CPE: variants seen among roughly 807,000 people sequenced by gnomAD.
CPE encodes carbocypeptidase E.
Under a neutral mutation model 53.5 loss-of-function variants are expected in CPE, and 17 were observed. The ratio of observed to expected loss-of-function variants is 0.32; its 90% CI spans 0.22 to 0.48. The LOEUF is 0.48. Among genes scored for constraint, CPE ranks in the 20% least tolerant of loss-of-function variants. CPE has a pLI of 0.99. For synonymous variants in CPE, 226 were observed against 228.8 expected, an observed-to-expected ratio of 0.99 and a Z score of 0.11; for missense variants, 524 against 614.7, an observed-to-expected ratio of 0.85 and a Z score of 1.56.
intron 7 of CPE, among the ~76,000 whole-genome samples, chr4:165,494,033 A>G (rs1732657465): frequency 6.6e-6 from 1 of 152,026 alleles, no homozygotes; most frequent in Non-Finnish European, 1.5e-5. Flanking sequence ...GTCCCAAACC[A>G]CTCTGTACCA....
chr4:165,483,661 C>G (rs959500917), intron 4 of CPE, among the ~76,000 whole-genome samples: 5 of 152,180 alleles, frequency 3.3e-5, no homozygotes, highest in Non-Finnish European at 5.9e-5. Context: ...TTAATCATAG[C>G]CATTCTAAGT....
intron 5 of CPE, among the ~76,000 whole-genome samples, chr4:165,486,248 C>G (rs2126713584): frequency 6.6e-6 from 1 of 152,234 alleles, no homozygotes; most frequent in East Asian, 1.9e-4. Flanking sequence ...ACACCTGCAG[C>G]AGTTTGGGTC....
intron 1 of CPE, among the ~76,000 whole-genome samples, chr4:165,446,737 G>T (rs571654474): frequency 1.3e-5 from 2 of 152,342 alleles, no homozygotes; most frequent in African/African-American, 2.4e-5. Flanking sequence ...CATTACGAAG[G>T]GGGGTGTGAA....
intron 3 of CPE, among the ~76,000 whole-genome samples, chr4:165,473,771 A>AGTT (rs35794064): frequency 0.71 from 107,402 of 151,880 alleles, 38,317 homozygotes; most frequent in East Asian, 0.78. Flanking sequence ...TTTGGAGGAG[A>AGTT]GTTCAGAGAA....
At chr4:165,497,413 C>T in intron 8 of CPE, 99 bp from the exon 9 acceptor site, 1 of 502,682 alleles carries the variant, frequency 2.0e-6, no homozygotes, top group Non-Finnish European at 3.3e-6. Context: ...ATTCAGGTGG[C>T]TGGATTGAGT....
At chr4:165,431,539 G>A (rs972586671) in intron 1 of CPE, among the ~76,000 whole-genome samples, 10 of 152,096 alleles carry the variant, frequency 6.6e-5, no homozygotes, top group African/African-American at 2.4e-4. Context: ...CCTTAAGTAA[G>A]GACACATAGT....
At chr4:165,485,082 A>G (rs1732484214) in intron 5 of CPE, among the ~76,000 whole-genome samples, 2 of 152,134 alleles carry the variant, frequency 1.3e-5, no homozygotes. Flanking sequence ...GTTTATGTTC[A>G]CTATTCTAAT....
intron 1 of CPE, among the ~76,000 whole-genome samples, chr4:165,438,408 T>C (rs1412060129): frequency 1.3e-5 from 2 of 152,108 alleles, no homozygotes; most frequent in Non-Finnish European, 2.9e-5. Context: ...AAAAAAGCCT[T>C]TGAGGAAAGA....
At chr4:165,453,834 C>A (rs969776619) in intron 1 of CPE, among the ~76,000 whole-genome samples, 5 of 152,132 alleles carry the variant, frequency 3.3e-5, no homozygotes, top group Non-Finnish European at 7.3e-5. Context: ...AAGATCCTAA[C>A]TAAAGAAAGA....
At chr4:165,437,880 G>T (rs1220163911) in intron 1 of CPE, among the ~76,000 whole-genome samples, 2 of 152,132 alleles carry the variant, frequency 1.3e-5, no homozygotes, top group Non-Finnish European at 2.9e-5. Context: ...CACATATGGA[G>T]AGGAGACAGA....
At position 165,464,511 on chromosome 4, in the gene CPE, C is replaced by G. The variant is rs1174384720; in HGVS notation, c.429C>G (p.Val143=). The G allele has an allele frequency of 7.4e-6, 12 of 1,613,948 alleles. No homozygotes were observed. The highest frequency in any genetic ancestry group is 1.0e-5 in the Non-Finnish European group (12 of 1,179,920). The change falls in exon 2 of 9, where the codon GTC becomes GTG. Residue 143 remains valine (V), a synonymous_variant. Transcript: ENST00000402744. ...NEYQKGNETI[V]NLIHSTRIHI... is the part of the protein sequence containing the mutation. ...ACCAGAAGGGGAACGAGACAATTGT[C>G]AACCTGATCCACAGTACCCGCATTC...
At chr4:165,469,064 T>C (rs1732155046) in intron 3 of CPE, among the ~76,000 whole-genome samples, 3 of 152,220 alleles carry the variant, frequency 2.0e-5, no homozygotes, top group African/African-American at 7.2e-5. Context: ...ATAAAGTACT[T>C]GAAGCCAGGA....
intron 3 of CPE, among the ~76,000 whole-genome samples, chr4:165,479,663 T>G (rs1369048588): frequency 6.6e-6 from 1 of 152,160 alleles, no homozygotes; most frequent in African/African-American, 2.4e-5. Flanking sequence ...TAGAAAATAT[T>G]TATAGTGTGT....
chr4:165,419,778 T>C (rs1481961840), intron 1 of CPE, among the ~76,000 whole-genome samples: 1 of 152,136 alleles, frequency 6.6e-6, no homozygotes, highest in African/African-American at 2.4e-5. Context: ...CCAGAAGAGA[T>C]TCTGATTCAA....
At chr4:165,397,644 C>T (rs535895328) in intron 1 of CPE, among the ~76,000 whole-genome samples, 2 of 152,170 alleles carry the variant, frequency 1.3e-5, no homozygotes, top group East Asian at 1.9e-4. Flanking sequence ...AACGTATTTC[C>T]AAATATTATT....
chr4:165,405,226 G>T, intron 1 of CPE: 1 of 808,232 alleles, frequency 1.2e-6, no homozygotes, highest in Non-Finnish European at 2.2e-6. Flanking sequence ...TATCCACGGA[G>T]ACTTGGGCAA....
intron 1 of CPE, among the ~76,000 whole-genome samples, chr4:165,442,056 T>G (rs868217833): frequency 3.9e-5 from 5 of 127,260 alleles, no homozygotes; most frequent in Non-Finnish European, 1.6e-5. Context: ...TGTTTTTTTT[T>G]TTTTGAGACA....
chr4:165,380,195 C>T (rs1214525031), intron 1 of CPE, among the ~76,000 whole-genome samples: 1 of 152,074 alleles, frequency 6.6e-6, no homozygotes, highest in Non-Finnish European at 1.5e-5. Context: ...CGTTGGTGCC[C>T]CTCCTCCTAC....
At chr4:165,430,833 A>G (rs551976359) in intron 1 of CPE, among the ~76,000 whole-genome samples, 52 of 152,338 alleles carry the variant, frequency 3.4e-4, no homozygotes, top group African/African-American at 1.2e-3. Flanking sequence ...ACCAAGGTTG[A>G]AGAATGCTGG....
Sources: allele counts gnomAD v4.1 joint callset (sites outside exome capture counted in the v4.1 genomes callset), GRCh38; gene constraint gnomAD v4.1.1; transcripts MANE v1.5; gene names NCBI Gene and HGNC (gene_info 2026-07-23, HGNC 2026-07-21).